Variants in ADCY9 observed in about 807,000 individuals in gnomAD.
ADCY9 encodes adenylate cyclase 9.
In ADCY9, 50 loss-of-function variants were observed where a neutral mutation model predicts 101.5. That is an observed-to-expected ratio of 0.49 (90% CI 0.39 to 0.62). ADCY9 has a LOEUF of 0.62. Ranked by LOEUF, ADCY9 falls within the 20% of genes least tolerant of loss-of-function variation. The pLI is 0.00. For missense variants in ADCY9, 1,662 were observed against 1,800.4 expected, an observed-to-expected ratio of 0.92 and a Z score of 1.39; for synonymous variants, 905 against 769.3, an observed-to-expected ratio of 1.18 and a Z score of -2.92.
chr16:3,994,087 G>A (rs532425545), intron 3 of ADCY9, among the ~76,000 whole-genome samples: 14 of 152,266 alleles, frequency 9.2e-5, no homozygotes, highest in African/African-American at 3.4e-4. Context: ...CAAGGGGATG[G>A]CATTGGGGGG....
At chr16:4,018,526 C>A (rs1411097485) in intron 2 of ADCY9, among the ~76,000 whole-genome samples, 2 of 152,066 alleles carry the variant, frequency 1.3e-5, no homozygotes, top group Non-Finnish European at 2.9e-5. Flanking sequence ...GCTGAACATG[C>A]GTGACTAACC....
In ADCY9 at chr16:3,969,612, AT is replaced by A. The variant is rs58096084; in HGVS notation, c.2871-2647del. Reference sequence around the variant, plus strand: ...TATATATATATATATATATATATGTATTTTTTTTTTTTTTTAAGAAGAGACA... The same window carrying A: ...TATATATATATATATATATATATGTATTTTTTTTTTTTTTAAGAAGAGACA... On this transcript the variant is annotated intron_variant, in intron 10 of 10. Coordinates refer to ENST00000294016, the MANE Select transcript of ADCY9 (RefSeq NM_001116.4). Among the ~76,000 whole-genome samples the A allele has an allele frequency of 1.1e-3, 79 of 70,888 alleles. 4 individuals carry two copies. Among genetic ancestry groups the A allele is most frequent in the African/African-American group, 3.0e-3 (47 of 15,908 alleles). The allele number at this position is 70,888 out of a possible 152,430, so 46.5% of individuals were successfully genotyped here. A position where few individuals can be genotyped will look rare whatever the true frequency, so the allele number is the denominator to read the frequency against.
chr16:4,061,677 T>C (rs528837686), intron 2 of ADCY9, among the ~76,000 whole-genome samples: 41 of 151,952 alleles, frequency 2.7e-4, no homozygotes, highest in African/African-American at 9.2e-4. Context: ...AGACAGAAAA[T>C]TTGTTACTGG....
In ADCY9 at chr16:3,963,880, T is replaced by C. The variant is rs560804347; in HGVS notation, c.*1895A>G. 6.5e-6 allele frequency: 1 copy of C among 152,834 alleles called. No homozygotes were observed. The highest frequency in any genetic ancestry group is 1.9e-4 in the East Asian group (1 of 5,194). 9.5% of individuals were successfully genotyped at this position (152,834 alleles called of 1,614,324 possible). A position where few individuals can be genotyped will look rare whatever the true frequency, so the allele number is the denominator to read the frequency against. On this transcript the variant is annotated 3_prime_UTR_variant, in exon 11 of 11. Transcript: ENST00000294016. ...CTGCGGTGTTTTATAATACATTCTT[T>C]AGAAGCAAGAGGTATTGTCACAACC...
intron 2 of ADCY9, among the ~76,000 whole-genome samples, chr16:4,082,666 C>A (rs1251006419): frequency 6.7e-6 from 1 of 149,450 alleles, no homozygotes; most frequent in African/African-American, 2.5e-5. Flanking sequence ...ATATGCACAC[C>A]CATGCACACC....
At chr16:3,980,724 A>C (rs928806990) in intron 7 of ADCY9, among the ~76,000 whole-genome samples, 1 of 152,240 alleles carries the variant, frequency 6.6e-6, no homozygotes, top group African/African-American at 2.4e-5. Flanking sequence ...TATTTAAAGG[A>C]TAATGAAGAC....
At chr16:4,105,657 G>C (rs2057071905) in intron 2 of ADCY9, among the ~76,000 whole-genome samples, 1 of 148,236 alleles carries the variant, frequency 6.7e-6, no homozygotes, top group Non-Finnish European at 1.5e-5. Context: ...TCCAGCCTGG[G>C]CAAGAGTGAG....
intron 2 of ADCY9, among the ~76,000 whole-genome samples, chr16:4,026,109 C>G (rs2056512811): frequency 6.6e-6 from 1 of 152,080 alleles, no homozygotes; most frequent in African/African-American, 2.4e-5. Context: ...GAAGTTAATT[C>G]ACAAATTAAA....
At position 3,965,421 on chromosome 16, in the gene ADCY9, T is replaced by G. The variant is rs1017708293; in HGVS notation, c.*354A>C. ...GTGGGAAAAAGCAATAAAAATGAGATCTTAACCACAGCTTTTGTTCTAAAA... is the reference window on the plus strand; with the variant it reads ...GTGGGAAAAAGCAATAAAAATGAGAGCTTAACCACAGCTTTTGTTCTAAAA... On this transcript the variant is annotated 3_prime_UTR_variant, in exon 11 of 11. Coordinates refer to ENST00000294016, the MANE Select transcript of ADCY9 (RefSeq NM_001116.4). 2 of 285,654 alleles carry G rather than the reference T, an allele frequency of 7.0e-6. No homozygotes were observed. The highest frequency in any genetic ancestry group is 1.3e-5 in the Non-Finnish European group (2 of 153,118). 17.7% of individuals were successfully genotyped at this position (285,654 alleles called of 1,614,324 possible).
intron 2 of ADCY9, among the ~76,000 whole-genome samples, chr16:4,030,374 A>G (rs892893682): frequency 5.9e-5 from 9 of 152,166 alleles, no homozygotes; most frequent in African/African-American, 2.2e-4. Flanking sequence ...TGAAGCTCAC[A>G]AACTTTACAC....
rs2056375503 is a variant in ADCY9, at chr16:4,007,577, A to T, written c.1694-19T>A. 1.3e-6 allele frequency: 2 copies of T among 1,580,400 alleles called. No homozygotes were observed. Among genetic ancestry groups the T allele is most frequent in the Non-Finnish European group, 1.7e-6 (2 of 1,162,606 alleles). On this transcript the variant is annotated intron_variant, in intron 2 of 10. Coordinates refer to ENST00000294016, the MANE Select transcript of ADCY9 (RefSeq NM_001116.4). ...TTCAAACCTATGATGGATAAAAGTT[A>T]CAGTCAGCACAGATTGAAAGCACCG...
At chr16:4,060,864 T>C (rs1472821936) in intron 2 of ADCY9, among the ~76,000 whole-genome samples, 1 of 152,176 alleles carries the variant, frequency 6.6e-6, no homozygotes, top group Non-Finnish European at 1.5e-5. Context: ...GCAAGAGTCA[T>C]AACTGGAAAC....
At chr16:4,059,727 G>A (rs534999110) in intron 2 of ADCY9, among the ~76,000 whole-genome samples, 4 of 152,140 alleles carry the variant, frequency 2.6e-5, no homozygotes, top group South Asian at 2.1e-4. Context: ...TCAAGACCCC[G>A]TCTCAACGAA....
intron 2 of ADCY9, among the ~76,000 whole-genome samples, chr16:4,069,842 T>G (rs777861270): frequency 6.6e-6 from 1 of 152,170 alleles, no homozygotes; most frequent in Non-Finnish European, 1.5e-5. Flanking sequence ...ACACTTGTAA[T>G]CCCAGCACTT....
intron 2 of ADCY9, among the ~76,000 whole-genome samples, chr16:4,090,371 A>G (rs992756834): frequency 2.0e-5 from 3 of 152,174 alleles, no homozygotes; most frequent in African/African-American, 7.2e-5. Flanking sequence ...GGTAATGCAG[A>G]CATGTTTACA....
At chr16:4,078,580 C>A (rs12596379) in intron 2 of ADCY9, among the ~76,000 whole-genome samples, 1,818 of 70,252 alleles carry the variant, frequency 0.026, 77 homozygotes, top group East Asian at 0.088. Context: ...AAAAAGAAAA[C>A]AAAAACATAA....
At chr16:3,955,563 A>G (rs757932728) in intron 5 of ADCY9, among the ~76,000 whole-genome samples, 1 of 149,906 alleles carries the variant, frequency 6.7e-6, no homozygotes, top group African/African-American at 2.5e-5. Context: ...TGTTTGTTTT[A>G]GACGGAGTCT....
At chr16:3,989,934 T>C (rs542817426) in intron 5 of ADCY9, among the ~76,000 whole-genome samples, 1 of 152,242 alleles carries the variant, frequency 6.6e-6, no homozygotes, top group Admixed American at 6.5e-5. Context: ...TTGGTGCTAT[T>C]GTCACATATG....
chr16:3,996,597 G>GT (rs1354355358), intron 3 of ADCY9, among the ~76,000 whole-genome samples: 1 of 152,210 alleles, frequency 6.6e-6, no homozygotes, highest in African/African-American at 2.4e-5. Context: ...AGCTGGAGGT[G>GT]TGGAAGCGTC....
Sources: gnomAD v4.1 joint callset for allele counts (sites outside exome capture counted in the v4.1 genomes callset) on GRCh38, gnomAD v4.1.1 for gene constraint, MANE v1.5 for transcripts, NCBI Gene and HGNC (gene_info 2026-07-23, HGNC 2026-07-21) for gene names.